TENM4: variants seen among roughly 807,000 people sequenced by gnomAD.
TENM4 encodes teneurin-4.
A neutral mutation model predicts 243.3 loss-of-function variants in TENM4; 82 were observed. That is an observed-to-expected ratio of 0.34 (90% confidence interval 0.28 to 0.40). The LOEUF is 0.40. Among genes scored for constraint, TENM4 ranks in the 10% least tolerant of loss-of-function variants. The pLI, the probability that TENM4 is intolerant of heterozygous loss-of-function variation, is 1.00. For missense variants in TENM4, 3,138 were observed against 3,673.3 expected (o/e 0.85, Z 3.77); for synonymous variants, 1,412 against 1,456.3 (o/e 0.97, Z 0.69).
At chr11:79,105,913 TA>T (rs10707150) in intron 4 of TENM4, among the ~76,000 whole-genome samples, 143,215 of 152,276 alleles carry the variant, frequency 0.94, 67,467 homozygotes, top group African/African-American at 0.98. Flanking sequence ...AAGGCTTACC[TA>T]AGTAAAACAA....
chr11:79,125,136 A>C (rs1861847246), intron 4 of TENM4, among the ~76,000 whole-genome samples: 1 of 152,006 alleles, frequency 6.6e-6, no homozygotes, highest in South Asian at 2.1e-4. Context: ...CCTTGGTGTG[A>C]ACTGTTTACA....
At chr11:78,713,366 T>TA (rs1389844322) in intron 25 of TENM4, among the ~76,000 whole-genome samples, 3 of 152,070 alleles carry the variant, frequency 2.0e-5, no homozygotes, top group Non-Finnish European at 4.4e-5. Context: ...GGAAAAAAAA[T>TA]AAGCAACACA....
chr11:79,113,029 T>G (rs1422161885), intron 4 of TENM4, among the ~76,000 whole-genome samples: 2 of 152,220 alleles, frequency 1.3e-5, no homozygotes, highest in Non-Finnish European at 1.5e-5. Flanking sequence ...TCAGCAATTT[T>G]CAGGCCTCTA....
intron 15 of TENM4, among the ~76,000 whole-genome samples, chr11:78,801,027 C>T (rs1289016054): frequency 2.0e-5 from 3 of 152,104 alleles, no homozygotes; most frequent in Non-Finnish European, 4.4e-5. Flanking sequence ...CTGGTACATG[C>T]TAAATACTAA....
At chr11:79,228,087 G>GA (rs1180587110) in intron 2 of TENM4, among the ~76,000 whole-genome samples, 4 of 152,078 alleles carry the variant, frequency 2.6e-5, no homozygotes, top group South Asian at 2.1e-4. Context: ...ATTTGGATGT[G>GA]AAAAAAAGTA....
At chr11:79,319,510 C>A (rs898819205) in intron 1 of TENM4, among the ~76,000 whole-genome samples, 1 of 152,042 alleles carries the variant, frequency 6.6e-6, no homozygotes, top group Non-Finnish European at 1.5e-5. Flanking sequence ...AAATCACCAT[C>A]TTTGTAAGAA....
chr11:78,735,656 G>A (rs1020991463), intron 20 of TENM4, among the ~76,000 whole-genome samples: 1 of 152,184 alleles, frequency 6.6e-6, no homozygotes. Context: ...AAACAGCGCA[G>A]GGCCATTCTG....
intron 4 of TENM4, among the ~76,000 whole-genome samples, chr11:79,100,843 A>G (rs1451095046): frequency 1.3e-5 from 2 of 151,978 alleles, no homozygotes; most frequent in Non-Finnish European, 2.9e-5. Context: ...GGTGTTCTTA[A>G]CCTTCCACTC....
At chr11:78,889,647 G>T in intron 9 of TENM4, 138 bp downstream of exon 9, 1 of 939,154 alleles carries the variant, frequency 1.1e-6, no homozygotes, top group Non-Finnish European at 1.6e-6. Flanking sequence ...AGACTGTCCA[G>T]AACTCCAGGG....
At chr11:78,942,459 A>T (rs1388965521) in intron 6 of TENM4, among the ~76,000 whole-genome samples, 4 of 151,596 alleles carry the variant, frequency 2.6e-5, no homozygotes, top group African/African-American at 9.7e-5. Context: ...AAAAAAAAAA[A>T]AATTGCAAAT....
At chr11:78,886,748 G>T (rs1855556706) in intron 9 of TENM4, among the ~76,000 whole-genome samples, 1 of 152,196 alleles carries the variant, frequency 6.6e-6, no homozygotes, top group Admixed American at 6.5e-5. Flanking sequence ...TCTCTGGCTT[G>T]ATCCTTGTAT....
intron 4 of TENM4, among the ~76,000 whole-genome samples, chr11:79,138,723 T>C: frequency 8.9e-6 from 1 of 112,042 alleles, no homozygotes; most frequent in Admixed American, 1.2e-4. Context: ...ACATACATTA[T>C]ATTTATATAA....
At chr11:78,886,904 C>G (rs551619) in intron 9 of TENM4, among the ~76,000 whole-genome samples, 66,993 of 152,108 alleles carry the variant, frequency 0.44, 17,642 homozygotes, top group African/African-American at 0.74. Context: ...ATTGACCTTC[C>G]ATCCACCTCC....
chr11:78,723,038 A>G, intron 23 of TENM4, 121 bp from the exon 24 acceptor site: 1 of 1,397,186 alleles, frequency 7.2e-7, no homozygotes, highest in Non-Finnish European at 9.7e-7. Flanking sequence ...CATTTCCAGG[A>G]TCATAGCCCA....
chr11:78,995,631 T>C (rs755081396), intron 6 of TENM4, among the ~76,000 whole-genome samples: 1 of 151,272 alleles, frequency 6.6e-6, no homozygotes, highest in Non-Finnish European at 1.5e-5. Context: ...CTTCTTCAGG[T>C]AAGTGGTGGG....
At chr11:78,947,617 G>A (rs756584230) in intron 6 of TENM4, among the ~76,000 whole-genome samples, 3 of 152,218 alleles carry the variant, frequency 2.0e-5, no homozygotes, top group Admixed American at 1.3e-4. Flanking sequence ...GAGAGAGTGC[G>A]GGGGCAAGGC....
chr11:79,254,811 A>G (rs774514577), intron 2 of TENM4, among the ~76,000 whole-genome samples: 2 of 152,214 alleles, frequency 1.3e-5, no homozygotes, highest in Non-Finnish European at 2.9e-5. Context: ...AGATAGTGTC[A>G]ATCACCCCAG....
chr11:78,911,483 AAGGT>A (rs1286840652), intron 6 of TENM4, among the ~76,000 whole-genome samples: 1 of 152,210 alleles, frequency 6.6e-6, no homozygotes, highest in Non-Finnish European at 1.5e-5. Flanking sequence ...AGGACACTGA[AAGGT>A]AGGAAGAGAG....
chr11:78,757,780 G>A (rs556674319), intron 18 of TENM4, among the ~76,000 whole-genome samples: 8 of 152,224 alleles, frequency 5.3e-5, no homozygotes, highest in South Asian at 2.1e-4. Context: ...CTGAATCCTC[G>A]GTCCTCTGGA....
Sources: gnomAD v4.1 joint callset for allele counts (sites outside exome capture counted in the v4.1 genomes callset) on GRCh38, gnomAD v4.1.1 for gene constraint, MANE v1.5 for transcripts, NCBI Gene and HGNC (gene_info 2026-07-23, HGNC 2026-07-21) for gene names.